The following RABGAP1L variants were observed in gnomAD, a reference collection of about 807,000 sequenced individuals.
The protein encoded by RABGAP1L is rab GTPase-activating protein 1-like.
A neutral mutation model predicts 137.7 loss-of-function variants in RABGAP1L; 63 were observed. The ratio of observed to expected loss-of-function variants is 0.46; its 90% confidence interval spans 0.37 to 0.56. The LOEUF is 0.56. RABGAP1L is among the 20% of genes least tolerant of loss of function. RABGAP1L has a pLI of 0.00. For missense variants in RABGAP1L, 1,095 were observed against 1,244.0 expected (o/e 0.88, Z 1.80); for synonymous variants, 431 against 433.7 (o/e 0.99, Z 0.08).
At chr1:174,288,064 G>C (rs1406747473) in intron 10 of RABGAP1L, among the ~76,000 whole-genome samples, 1 of 152,062 alleles carries the variant, frequency 6.6e-6, no homozygotes, top group Non-Finnish European at 1.5e-5. Context: ...TTTTAAGCCA[G>C]TAACAACTCA....
At chr1:174,329,925 T>G (rs921912834) in intron 11 of RABGAP1L, among the ~76,000 whole-genome samples, 5 of 148,270 alleles carry the variant, frequency 3.4e-5, no homozygotes, top group African/African-American at 7.7e-5. Context: ...CTGATTTGAA[T>G]AATAATAAAG....
At chr1:174,794,472 G>A (rs777623709) in intron 18 of RABGAP1L, among the ~76,000 whole-genome samples, 1 of 152,160 alleles carries the variant, frequency 6.6e-6, no homozygotes, top group Non-Finnish European at 1.5e-5. Context: ...TCTACGAGAG[G>A]TTCCTTTATA....
At chr1:174,868,971 C>T (rs925591456) in intron 19 of RABGAP1L, among the ~76,000 whole-genome samples, 1 of 151,858 alleles carries the variant, frequency 6.6e-6, no homozygotes, top group South Asian at 2.1e-4. Context: ...TGTTATTCAT[C>T]TCTCCTGGAC....
In RABGAP1L at chr1:174,988,690, G is replaced by A. The variant is rs1159774915; in HGVS notation, c.2855G>A (p.Gly952Asp). Residue 952 changes from glycine (G) to aspartate (D), a missense_variant, in exon 25 of 26, where the codon GGT (glycine) becomes GAT (aspartate). Around this residue, in one of 4 missense-constraint regions of RABGAP1L, gnomAD observed 312 missense variants for 435.6 expected, o/e 0.72. Transcript: ENST00000681986. ...TGCAGTGACATTTTCAGCAAGGAGG[G>A]TGCTTTGAAACTAGCAGCCACAGGC... ...KHCSDIFSKE[G>D]ALKLAATGRE... 6.5e-7 allele frequency: 1 copy of A among 1,548,596 alleles called. No homozygotes were observed. Among genetic ancestry groups the A allele is most frequent in the Admixed American group, 2.0e-5 (1 of 50,664 alleles).
chr1:174,452,402 G>A (rs1655543724), intron 13 of RABGAP1L, among the ~76,000 whole-genome samples: 1 of 152,094 alleles, frequency 6.6e-6, no homozygotes, highest in Non-Finnish European at 1.5e-5. Flanking sequence ...CAAAACCTTA[G>A]TTTTGGCATT....
intron 13 of RABGAP1L, among the ~76,000 whole-genome samples, chr1:174,612,204 GC>G (rs1394114245): frequency 6.6e-6 from 1 of 152,080 alleles, no homozygotes; most frequent in Middle Eastern, 3.2e-3. Flanking sequence ...GTCATAGATA[GC>G]TCTTATTATT....
Position 174,941,732 on chromosome 1 carries a change from G to A in RABGAP1L, c.2341-15725G>A, listed in dbSNP as rs142396744. On this transcript the variant is annotated intron_variant, in intron 19 of 25. Coordinates refer to ENST00000681986, the MANE Select transcript of RABGAP1L (RefSeq NM_001366446.1). ...AAACAAAACAAAACCCTGACACTTC[G>A]GAATGGTCAATAGCAAAACCTCCCT... is the stretch of plus-strand genomic sequence containing the variant. 3.4e-3 allele frequency among the ~76,000 whole-genome samples: 519 copies of A among 152,132 alleles called. 2 individuals carry two copies. The highest frequency in any genetic ancestry group is 5.9e-3 in the Admixed American group (90 of 15,280).
At chr1:174,297,343 AAAGG>A (rs1188553342) in intron 10 of RABGAP1L, among the ~76,000 whole-genome samples, 1 of 152,130 alleles carries the variant, frequency 6.6e-6, no homozygotes, top group Admixed American at 6.5e-5. Context: ...TATTGGGTGA[AAAGG>A]AAGAAAAGGG....
intron 10 of RABGAP1L, among the ~76,000 whole-genome samples, chr1:174,280,864 C>T (rs1294859217): frequency 6.6e-6 from 1 of 152,150 alleles, no homozygotes. Context: ...TGTTACAGTT[C>T]TTAAAGATGG....
chr1:174,287,814 A>G (rs1012227005), intron 10 of RABGAP1L, among the ~76,000 whole-genome samples: 5 of 152,330 alleles, frequency 3.3e-5, no homozygotes, highest in African/African-American at 7.2e-5. Context: ...TTTTGATTGA[A>G]TAATCCTTTT....
chr1:174,163,056 G>A (rs74128315), intron 1 of RABGAP1L, among the ~76,000 whole-genome samples: 1,860 of 152,188 alleles, frequency 0.012, 48 homozygotes, highest in African/African-American at 0.043. Context: ...GGGGTTTCTT[G>A]TGGAGATGAT....
intron 13 of RABGAP1L, among the ~76,000 whole-genome samples, chr1:174,613,761 T>A (rs1397248830): frequency 6.6e-6 from 1 of 152,226 alleles, no homozygotes; most frequent in Non-Finnish European, 1.5e-5. Context: ...TGCATATATA[T>A]TTAGGATAGT....
chr1:174,596,146 A>C (rs545991221), intron 13 of RABGAP1L, among the ~76,000 whole-genome samples: 2 of 137,260 alleles, frequency 1.5e-5, no homozygotes, highest in East Asian at 4.2e-4. Flanking sequence ...CCTTTCTTTG[A>C]CTCGGAAAGG....
intron 14 of RABGAP1L, among the ~76,000 whole-genome samples, chr1:174,674,584 G>T (rs1277355063): frequency 1.3e-5 from 2 of 151,262 alleles, no homozygotes; most frequent in African/African-American, 4.8e-5. Flanking sequence ...ATGATTTATA[G>T]TCATTTGGGT....
At chr1:174,577,500 C>T (rs1341691384) in intron 13 of RABGAP1L, among the ~76,000 whole-genome samples, 1 of 152,050 alleles carries the variant, frequency 6.6e-6, no homozygotes, top group African/African-American at 2.4e-5. Context: ...TTTACTGTTA[C>T]TGCCACCAAC....
At chr1:174,581,374 T>A (rs1053253678) in intron 13 of RABGAP1L, among the ~76,000 whole-genome samples, 2 of 152,204 alleles carry the variant, frequency 1.3e-5, no homozygotes, top group African/African-American at 4.8e-5. Flanking sequence ...GAATGAAGCA[T>A]TGATGTATGC....
chr1:174,987,387 G>C (rs185857349), intron 24 of RABGAP1L, among the ~76,000 whole-genome samples: 1 of 152,162 alleles, frequency 6.6e-6, no homozygotes, highest in East Asian at 1.9e-4. Context: ...GGATGGTCTC[G>C]CTCTCTTGAC....
chr1:174,628,193 G>A (rs142100799), intron 13 of RABGAP1L, among the ~76,000 whole-genome samples: 1 of 152,008 alleles, frequency 6.6e-6, no homozygotes, highest in East Asian at 1.9e-4. Flanking sequence ...TTTTATGAAT[G>A]GATTCATAGA....
intron 21 of RABGAP1L, among the ~76,000 whole-genome samples, chr1:174,972,428 A>G (rs368352582): frequency 2.6e-4 from 39 of 152,350 alleles, no homozygotes; most frequent in East Asian, 1.3e-3. Context: ...ACACATTGCA[A>G]TGCTTGTTTC....
Sources: allele counts gnomAD v4.1 joint callset (sites outside exome capture counted in the v4.1 genomes callset), GRCh38; gene constraint gnomAD v4.1.1; regional missense constraint gnomAD v4.1.1; transcripts MANE v1.5; gene names NCBI Gene and HGNC (gene_info 2026-07-23, HGNC 2026-07-21).